DIP2A: variants seen among roughly 807,000 people sequenced by gnomAD.
DIP2A encodes the protein DIP2 acetate--CoA ligase A, also known as disco-interacting protein 2 homolog A.
A neutral mutation model predicts 177.4 loss-of-function variants in DIP2A; 85 were observed. That is an observed-to-expected ratio of 0.48 (90% CI 0.40 to 0.57). The LOEUF is 0.57. DIP2A is among the 20% of genes least tolerant of loss of function. The pLI is 0.00. For missense variants in DIP2A, 1,791 were observed against 2,100.2 expected, an observed-to-expected ratio of 0.85 and a Z score of 2.88; for synonymous variants, 886 against 881.8, an observed-to-expected ratio of 1.00 and a Z score of -0.08.
chr21:46,549,403 ACT>A (rs968782404), intron 21 of DIP2A, among the ~76,000 whole-genome samples: 2 of 152,344 alleles, frequency 1.3e-5, no homozygotes, highest in African/African-American at 2.4e-5. Context: ...CAATAGACTA[ACT>A]CTAGTAAAAT....
chr21:46,548,928 A>G (rs138950847), intron 21 of DIP2A, among the ~76,000 whole-genome samples: 58 of 152,376 alleles, frequency 3.8e-4, no homozygotes, highest in African/African-American at 1.1e-3. Flanking sequence ...AGTGCACCCA[A>G]TTTATCCAAA....
At position 46,477,084 on chromosome 21, in the gene DIP2A, G is replaced by A. The variant is rs574734783; in HGVS notation, c.92-7673G>A. Reference sequence around the variant, plus strand: ...ACTGGTCAGGTATGGATCACTCCTCGTTTTCTTGCCTCCTCCTGCTCTTCC... The same window carrying A: ...ACTGGTCAGGTATGGATCACTCCTCATTTTCTTGCCTCCTCCTGCTCTTCC... On this transcript the variant is annotated intron_variant, in intron 1 of 37. Coordinates refer to ENST00000417564, the MANE Select transcript of DIP2A (RefSeq NM_015151.4). 2.2e-4 allele frequency among the ~76,000 whole-genome samples: 33 copies of A among 152,194 alleles called. 1 individual carries two copies. In the South Asian group the frequency reaches 5.8e-3, roughly 27 times the overall value.
At position 46,527,534 on chromosome 21, in the gene DIP2A, C is replaced by G. The variant is rs140748539; in HGVS notation, c.1103-1558C>G. Among the ~76,000 whole-genome samples, 258 of 152,074 alleles carry G rather than the reference C, an allele frequency of 1.7e-3. 2 individuals carry two copies. The highest frequency in any genetic ancestry group is 5.9e-3 in the African/African-American group (245 of 41,462). ...AGAGACAGGGTTTCACCGTGTTGAC[C>G]AGTCTGGTCTCGAACTCCTGACCTC... On this transcript the variant is annotated intron_variant, in intron 8 of 37. Transcript: ENST00000417564.
At chr21:46,507,127 C>G (rs2058054064) in intron 6 of DIP2A, among the ~76,000 whole-genome samples, 1 of 152,056 alleles carries the variant, frequency 6.6e-6, no homozygotes, top group Non-Finnish European at 1.5e-5. Flanking sequence ...ATTCTAGATA[C>G]AAGTCATCCC....
At chr21:46,466,687 G>A (rs1677113755) in intron 1 of DIP2A, among the ~76,000 whole-genome samples, 1 of 151,598 alleles carries the variant, frequency 6.6e-6, no homozygotes, top group South Asian at 2.1e-4. Flanking sequence ...GCCTGGTTTT[G>A]GTGTTGTATC....
intron 35 of DIP2A, among the ~76,000 whole-genome samples, chr21:46,564,406 G>C (rs773326687): frequency 5.3e-5 from 8 of 152,226 alleles, no homozygotes; most frequent in Non-Finnish European, 8.8e-5. Flanking sequence ...AGTGGAGGGT[G>C]CGGGTCTCCC....
intron 1 of DIP2A, among the ~76,000 whole-genome samples, chr21:46,476,160 G>A (rs2055826027): frequency 6.6e-6 from 1 of 151,768 alleles, no homozygotes; most frequent in Non-Finnish European, 1.5e-5. Flanking sequence ...GCAGAATGGT[G>A]TGAACCCGGG....
intron 9 of DIP2A, among the ~76,000 whole-genome samples, chr21:46,531,752 T>C (rs2059366247): frequency 6.6e-6 from 1 of 152,220 alleles, no homozygotes; most frequent in African/African-American, 2.4e-5. Flanking sequence ...ACCAAACATC[T>C]AGTCTGAAGG....
At chr21:46,460,728 C>T (rs1316141718) in intron 1 of DIP2A, among the ~76,000 whole-genome samples, 1 of 151,506 alleles carries the variant, frequency 6.6e-6, no homozygotes, top group Non-Finnish European at 1.5e-5. Flanking sequence ...GAGTCTTGCT[C>T]TGTTGCCCAG....
intron 34 of DIP2A, among the ~76,000 whole-genome samples, chr21:46,562,115 T>C (rs1023811082): frequency 6.6e-6 from 1 of 151,904 alleles, no homozygotes; most frequent in African/African-American, 2.4e-5. Flanking sequence ...TGGAGGGGGG[T>C]TCCGGCCCAC....
chr21:46,514,034 C>T (rs1569011985), intron 8 of DIP2A, among the ~76,000 whole-genome samples: 1 of 152,100 alleles, frequency 6.6e-6, no homozygotes, highest in African/African-American at 2.4e-5. Flanking sequence ...AAGTCTTGAG[C>T]ACCTTTTATT....
the DIP2A span, among the ~76,000 whole-genome samples, chr21:46,581,318 A>G: frequency 6.6e-6 from 1 of 152,172 alleles, no homozygotes; most frequent in Non-Finnish European, 1.5e-5. Context: ...TCCTCTGTAA[A>G]CTGGTTATTC....
At chr21:46,481,116 C>A (rs1308862820) in intron 1 of DIP2A, among the ~76,000 whole-genome samples, 1 of 152,178 alleles carries the variant, frequency 6.6e-6, no homozygotes, top group Admixed American at 6.5e-5. Context: ...CCCAAACACT[C>A]CTCATATTAT....
At chr21:46,493,054 C>T (rs144280437) in intron 3 of DIP2A, among the ~76,000 whole-genome samples, 17 of 152,132 alleles carry the variant, frequency 1.1e-4, no homozygotes, top group Non-Finnish European at 1.6e-4. Flanking sequence ...GAGCCCTCAC[C>T]GGACACCAAC....
At chr21:46,470,414 C>T (rs976040685) in intron 1 of DIP2A, among the ~76,000 whole-genome samples, 2 of 150,100 alleles carry the variant, frequency 1.3e-5, no homozygotes, top group Non-Finnish European at 3.0e-5. Flanking sequence ...GCGGAGGTTG[C>T]GGTGAGCCGA....
downstream of DIP2A, among the ~76,000 whole-genome samples, chr21:46,570,257 G>T (rs1020755626): frequency 6.6e-6 from 1 of 152,182 alleles, no homozygotes; most frequent in South Asian, 2.1e-4. Context: ...CTCCAGAAGG[G>T]CAGGATGACA....
chr21:46,526,397 CTT>C (rs1357295827), intron 8 of DIP2A, among the ~76,000 whole-genome samples: 24 of 138,924 alleles, frequency 1.7e-4, no homozygotes, highest in South Asian at 2.3e-4. Context: ...ACGTTCATTC[CTT>C]TTTTTTTTTT....
chr21:46,539,895 A>C lies in DIP2A; in HGVS notation c.1940A>C (p.Asp647Ala), dbSNP rs1338937534. The change falls in exon 17 of 38, where the codon GAC becomes GCC. Residue 647 changes from aspartate (D) to alanine (A), a missense_variant. Asp to Ala is a moderately radical substitution (Grantham distance 126, BLOSUM62 -2). Coordinates refer to ENST00000417564, the MANE Select transcript of DIP2A (RefSeq NM_015151.4). ...TGTGCAGGGTCGATCTCCTCCTGTGACGCCTTCCTCAACGTCTTCCAGTCC... is the reference window on the plus strand; with the variant it reads ...TGTGCAGGGTCGATCTCCTCCTGTGCCGCCTTCCTCAACGTCTTCCAGTCC... Reference protein sequence around the residue: ...GANPWSISSCDAFLNVFQSRG... With the variant: ...GANPWSISSCAAFLNVFQSRG... 6.2e-7 allele frequency: 1 copy of C among 1,613,818 alleles called. No homozygotes were observed. The highest frequency in any genetic ancestry group is 8.5e-7 in the Non-Finnish European group (1 of 1,179,848).
At chr21:46,535,608 G>T (rs1013721975) in intron 13 of DIP2A, among the ~76,000 whole-genome samples, 21 of 152,268 alleles carry the variant, frequency 1.4e-4, no homozygotes, top group Admixed American at 7.8e-4. Flanking sequence ...AAAAATATAG[G>T]TGTTTAAAAG....
Sources: allele counts gnomAD v4.1 joint callset (sites outside exome capture counted in the v4.1 genomes callset), GRCh38; gene constraint gnomAD v4.1.1; transcripts MANE v1.5; gene names NCBI Gene and HGNC (gene_info 2026-07-23, HGNC 2026-07-21).